Variants in RBFOX1 observed in about 807,000 individuals in gnomAD.
The protein encoded by RBFOX1 is RNA binding fox-1 homolog 1.
RBFOX1 carries 8 observed loss-of-function variants against 57.7 expected under a neutral mutation model. The ratio of observed to expected loss-of-function variants is 0.14; its 90% CI spans 0.08 to 0.25. The LOEUF (loss-of-function observed/expected upper bound fraction) is 0.25, where lower values mean the gene tolerates loss of function less well. Among genes scored for constraint, RBFOX1 ranks in the 10% least tolerant of loss-of-function variants. The pLI, the probability that RBFOX1 is intolerant of heterozygous loss-of-function variation, is 1.00. For missense variants in RBFOX1, 611 were observed against 548.5 expected (o/e 1.11, Z -1.14); for synonymous variants, 326 against 222.4 (o/e 1.47, Z -4.15).
intron 3 of RBFOX1, among the ~76,000 whole-genome samples, chr16:5,634,034 T>C (rs1408823525): frequency 6.6e-6 from 1 of 152,192 alleles, no homozygotes; most frequent in Non-Finnish European, 1.5e-5. Context: ...TCTACTGCCA[T>C]CTAGAGGACA....
At chr16:7,645,564 A>C (rs2063586345) in intron 11 of RBFOX1, among the ~76,000 whole-genome samples, 1 of 152,236 alleles carries the variant, frequency 6.6e-6, no homozygotes, top group African/African-American at 2.4e-5. Flanking sequence ...AAATGAGCAG[A>C]GATTTATAGG....
chr16:7,256,559 T>G (rs1223649189), intron 4 of RBFOX1, among the ~76,000 whole-genome samples: 1 of 152,210 alleles, frequency 6.6e-6, no homozygotes, highest in African/African-American at 2.4e-5. Flanking sequence ...ACTGTATGTC[T>G]GTTTATACCA....
At chr16:6,601,327 A>G (rs566666240) in intron 2 of RBFOX1, among the ~76,000 whole-genome samples, 2 of 152,160 alleles carry the variant, frequency 1.3e-5, no homozygotes, top group African/African-American at 2.4e-5. Context: ...TCTCTCATGA[A>G]CTTTCATTAG....
intron 14 of RBFOX1, among the ~76,000 whole-genome samples, chr16:7,698,826 T>A (rs1383444959): frequency 6.6e-6 from 1 of 152,178 alleles, no homozygotes; most frequent in Non-Finnish European, 1.5e-5. Flanking sequence ...GAACCTTCTG[T>A]ATATGAGGCA....
At chr16:5,849,843 C>T (rs970032695) in intron 3 of RBFOX1, among the ~76,000 whole-genome samples, 2 of 152,154 alleles carry the variant, frequency 1.3e-5, no homozygotes, top group Admixed American at 1.3e-4. Flanking sequence ...GTATTCTTTT[C>T]CCAAGAGGCA....
At chr16:6,162,434 A>C (rs755790742) in intron 1 of RBFOX1, among the ~76,000 whole-genome samples, 6 of 152,154 alleles carry the variant, frequency 3.9e-5, no homozygotes, top group Non-Finnish European at 8.8e-5. Context: ...GTATTTTAAC[A>C]GGAAGTGCCA....
At chr16:7,390,859 G>A (rs1314283606) in intron 4 of RBFOX1, among the ~76,000 whole-genome samples, 7 of 152,068 alleles carry the variant, frequency 4.6e-5, no homozygotes, top group East Asian at 1.9e-4. Flanking sequence ...TGATTTGTAC[G>A]CCCTGGGGAT....
chr16:7,087,396 T>C (rs944053074), intron 4 of RBFOX1, among the ~76,000 whole-genome samples: 2 of 152,138 alleles, frequency 1.3e-5, no homozygotes, highest in African/African-American at 4.8e-5. Flanking sequence ...ATCGCTAGTA[T>C]TATGAATATT....
intron 2 of RBFOX1, among the ~76,000 whole-genome samples, chr16:5,505,406 C>G (rs2043345751): frequency 6.6e-6 from 1 of 152,162 alleles, no homozygotes; most frequent in Non-Finnish European, 1.5e-5. Context: ...ATTTCAGACT[C>G]CAGCTACACA....
intron 2 of RBFOX1, among the ~76,000 whole-genome samples, chr16:5,477,261 C>G (rs2069360212): frequency 6.6e-6 from 1 of 152,066 alleles, no homozygotes; most frequent in Non-Finnish European, 1.5e-5. Flanking sequence ...ATTTTTTTTC[C>G]TAGCCACAGG....
intron 1 of RBFOX1, among the ~76,000 whole-genome samples, chr16:6,199,049 G>A (rs2097198702): frequency 6.6e-6 from 1 of 151,816 alleles, no homozygotes. Flanking sequence ...TAGGTCACGT[G>A]TTTTCTCTTC....
At chr16:6,175,487 C>T (rs921254807) in intron 1 of RBFOX1, among the ~76,000 whole-genome samples, 4 of 151,626 alleles carry the variant, frequency 2.6e-5, no homozygotes, top group Admixed American at 1.3e-4. Flanking sequence ...TTTGACCACC[C>T]GGTTTTTCTG....
chr16:5,572,079 C>G (rs143496030), intron 2 of RBFOX1, among the ~76,000 whole-genome samples: 66 of 152,202 alleles, frequency 4.3e-4, no homozygotes, highest in Middle Eastern at 3.4e-3. Flanking sequence ...CAGCACATCT[C>G]AGGTGTTTGC....
In RBFOX1 at chr16:6,934,922, C is replaced by T. The variant is rs116089665; in HGVS notation, c.-15-117135C>T. Among the ~76,000 whole-genome samples the T allele has an allele frequency of 5.6e-3, 855 of 151,970 alleles. 8 individuals carry two copies. The highest frequency in any genetic ancestry group is 0.02 in the African/African-American group (826 of 41,416). On this transcript the variant is annotated intron_variant, in intron 3 of 15. Transcript: ENST00000550418. ...GCAACATGGTGAAACCCTGTCTCTA[C>T]CAAAAATAGAAAAAAATTAGCTTGG... is the stretch of plus-strand genomic sequence containing the variant.
In RBFOX1 at chr16:5,564,123, C is replaced by G. The variant is rs1258264377; in HGVS notation, c.259-34779C>G. On this transcript the variant is annotated intron_variant, in intron 2 of 2. Coordinates refer to the RBFOX1 transcript ENST00000585867. Reference sequence around the variant, plus strand: ...CCACCTCCCAGGTTCAAGCGATTCTCCTGCCTCAGCATCCAGATAGCTGAG... The same window carrying G: ...CCACCTCCCAGGTTCAAGCGATTCTGCTGCCTCAGCATCCAGATAGCTGAG... 2.0e-5 allele frequency among the ~76,000 whole-genome samples: 3 copies of G among 152,138 alleles called. No individual in the cohort carries two copies. In the East Asian group the frequency reaches 5.8e-4, roughly 29 times the overall value.
chr16:5,436,837 C>CAA (rs759781269), intron 1 of RBFOX1, among the ~76,000 whole-genome samples: 4 of 132,982 alleles, frequency 3.0e-5, no homozygotes, highest in African/African-American at 1.1e-4. Context: ...GACTCCGCTT[C>CAA]AAAAAAAAAA....
At chr16:7,244,247 C>CAAAAAAAAAAAAAA (rs60054791) in intron 4 of RBFOX1, among the ~76,000 whole-genome samples, 1 of 99,228 alleles carries the variant, frequency 1.0e-5, no homozygotes, top group African/African-American at 3.4e-5. Flanking sequence ...CAAAGTATTC[C>CAAAAAAAAAAAAAA]AAAAAAAAAA....
chr16:6,593,339 C>G (rs558474350), intron 2 of RBFOX1, among the ~76,000 whole-genome samples: 30 of 152,118 alleles, frequency 2.0e-4, no homozygotes, highest in Non-Finnish European at 4.0e-4. Flanking sequence ...AGTTCAGGCA[C>G]TAAAAGAAAG....
At chr16:7,459,405 TC>T (rs1423200409) in intron 4 of RBFOX1, among the ~76,000 whole-genome samples, 1 of 152,168 alleles carries the variant, frequency 6.6e-6, no homozygotes, top group Non-Finnish European at 1.5e-5. Context: ...CTTCCTTCCT[TC>T]TCTGGCAAAT....
Sources: allele counts gnomAD v4.1 joint callset (sites outside exome capture counted in the v4.1 genomes callset), GRCh38; gene constraint gnomAD v4.1.1; transcripts MANE v1.5; gene names NCBI Gene and HGNC (gene_info 2026-07-23, HGNC 2026-07-21).